NSRP1: variants seen among roughly 807,000 people sequenced by gnomAD.
NSRP1 encodes the protein coiled-coil domain containing 55.
Under a neutral mutation model 54.7 loss-of-function variants are expected in NSRP1, and 24 were observed. The observed-to-expected ratio is 0.44, with a 90% CI of 0.32 to 0.62. The LOEUF (loss-of-function observed/expected upper bound fraction) is 0.62, where lower values mean the gene tolerates loss of function less well. Ranked by LOEUF, NSRP1 falls within the 20% of genes least tolerant of loss-of-function variation. The pLI, the probability that NSRP1 is intolerant of heterozygous loss-of-function variation, is 0.06. For missense variants in NSRP1, 596 were observed against 651.2 expected (o/e 0.92, Z 0.92); for synonymous variants, 210 against 213.8 (o/e 0.98, Z 0.15).
chr17:30,151,462 AAATGTT>A (rs1233171568), intron 2 of NSRP1, among the ~76,000 whole-genome samples: 1 of 152,226 alleles, frequency 6.6e-6, no homozygotes, highest in Non-Finnish European at 1.5e-5. Flanking sequence ...AGAGAAAAGA[AAATGTT>A]ATTAGGAAAA....
At chr17:30,122,051 A>T (rs1239304346) in intron 2 of NSRP1, among the ~76,000 whole-genome samples, 3 of 152,060 alleles carry the variant, frequency 2.0e-5, no homozygotes, top group Admixed American at 1.3e-4. Context: ...TATAAATAGA[A>T]TCATGCAATA....
At chr17:30,150,227 G>A (rs951469980) in intron 2 of NSRP1, 2 of 149,762 alleles carry the variant, frequency 1.3e-5, no homozygotes, top group Non-Finnish European at 3.0e-5. Context: ...ATTACAGGCA[G>A]GCACCACCAT....
chr17:30,126,131 A>G (rs1477594539), intron 2 of NSRP1: 1 of 152,168 alleles, frequency 6.6e-6, no homozygotes, highest in Non-Finnish European at 1.5e-5. Flanking sequence ...TGTCAGATTG[A>G]TCTTCCTAAA....
intron 2 of NSRP1, chr17:30,127,835 AT>A (rs1025864846): frequency 7.6e-6 from 3 of 393,124 alleles, no homozygotes; most frequent in Admixed American, 4.4e-5. Context: ...ATTACTTATT[AT>A]TTTTTTTCAT....
chr17:30,124,134 C>T (rs1309709107), intron 2 of NSRP1, among the ~76,000 whole-genome samples: 1 of 151,376 alleles, frequency 6.6e-6, no homozygotes, highest in East Asian at 1.9e-4. Flanking sequence ...TGTGGTGGCA[C>T]GCACTGGTAA....
chr17:30,171,976 CCTCTCTCTCTCTCT>C (rs58666089), intron 2 of NSRP1, among the ~76,000 whole-genome samples: 30 of 80,438 alleles, frequency 3.7e-4, no homozygotes, highest in Middle Eastern at 8.5e-3. Context: ...ACACACACTC[CCTCTCTCTCTCTCT>C]CTCTCTCTCT....
Position 30,184,797 on chromosome 17 carries a change from G to A in NSRP1, c.800G>A (p.Cys267Tyr), listed in dbSNP as rs1905452433. Reference sequence around the variant, plus strand: ...GAAATAGAAGAAACTAGAGTGAACTGCAGAAGGGAAAAGGTCATAGAGACC... The same window carrying A: ...GAAATAGAAGAAACTAGAGTGAACTACAGAAGGGAAAAGGTCATAGAGACC... ...DDEIEETRVN[C>Y]RREKVIETPE... Residue 267 changes from cysteine to tyrosine, a missense_variant, in exon 7 of 7, where the codon TGC becomes TAC. Physicochemically the swap from Cys to Tyr is radical, Grantham distance 194 (BLOSUM62 -2). Transcript: ENST00000247026. 1 of 1,613,976 alleles carries A rather than the reference G, an allele frequency of 6.2e-7. No individual in the cohort carries two copies. Among genetic ancestry groups the A allele is most frequent in the Non-Finnish European group, 8.5e-7 (1 of 1,179,952 alleles).
chr17:30,146,675 C>T (rs2071858739), intron 2 of NSRP1, among the ~76,000 whole-genome samples: 1 of 152,150 alleles, frequency 6.6e-6, no homozygotes, highest in Admixed American at 6.5e-5. Flanking sequence ...TTGCTCTGTC[C>T]CCCAGGCTGG....
At chr17:30,129,635 A>G (rs1218191961) in intron 2 of NSRP1, among the ~76,000 whole-genome samples, 2 of 152,298 alleles carry the variant, frequency 1.3e-5, no homozygotes, top group South Asian at 2.1e-4. Context: ...TTGGCTTACT[A>G]TTGGTAAGAA....
At chr17:30,125,273 C>A (rs549305934) in intron 2 of NSRP1, among the ~76,000 whole-genome samples, 3 of 152,186 alleles carry the variant, frequency 2.0e-5, no homozygotes, top group Non-Finnish European at 4.4e-5. Context: ...ACAATTTAAG[C>A]AACAATTAAA....
At chr17:30,143,075 A>G (rs2071820817) in intron 2 of NSRP1, among the ~76,000 whole-genome samples, 1 of 152,214 alleles carries the variant, frequency 6.6e-6, no homozygotes, top group Admixed American at 6.5e-5. Flanking sequence ...CTCCAAAATC[A>G]TACACATCTG....
chr17:30,175,492 G>A (rs1039944029), intron 3 of NSRP1, among the ~76,000 whole-genome samples: 16 of 151,732 alleles, frequency 1.1e-4, no homozygotes, highest in African/African-American at 3.6e-4. Context: ...GGAGTGCAGC[G>A]GCACGATCTC....
intron 2 of NSRP1, among the ~76,000 whole-genome samples, chr17:30,122,951 T>C (rs184815188): frequency 2.0e-5 from 3 of 152,122 alleles, no homozygotes; most frequent in Admixed American, 6.6e-5. Flanking sequence ...TACCTTTTTT[T>C]AAAAAAAATT....
Position 30,186,158 on chromosome 17 carries a change from G to C in NSRP1, c.*484G>C, listed in dbSNP as rs1128156. On this transcript the variant is annotated 3_prime_UTR_variant, in exon 7 of 7. Coordinates refer to ENST00000247026, the MANE Select transcript of NSRP1 (RefSeq NM_032141.4). ...TCCATGCCTGTAGTCCCAGCTGTTC[G>C]AGAGGCTGAGGCAAGAAGATCACTT... 6.6e-6 allele frequency: 1 copy of C among 152,040 alleles called. No individual in the cohort carries two copies. The highest frequency in any genetic ancestry group is 1.5e-5 in the Non-Finnish European group (1 of 68,048). The allele number at this position is 152,040 out of a possible 1,614,324, so 9.4% of individuals were successfully genotyped here. A position where few individuals can be genotyped will look rare whatever the true frequency, so the allele number is the denominator to read the frequency against.
chr17:30,119,655 A>G (rs1397562263), intron 2 of NSRP1, among the ~76,000 whole-genome samples: 2 of 151,962 alleles, frequency 1.3e-5, no homozygotes, highest in Non-Finnish European at 2.9e-5. Flanking sequence ...GGAACACACC[A>G]CCACGCCTGG....
intron 5 of NSRP1, among the ~76,000 whole-genome samples, chr17:30,180,428 T>G (rs1048421463): frequency 2.0e-5 from 3 of 152,194 alleles, no homozygotes; most frequent in Non-Finnish European, 4.4e-5. Context: ...AGTTGTAGGA[T>G]TACAGGCGTG....
rs1905513898 is a variant in NSRP1 at position 30,185,750 on chromosome 17, G to A, written c.*76G>A. On this transcript the variant is annotated 3_prime_UTR_variant, in exon 7 of 7. Coordinates refer to ENST00000247026, the MANE Select transcript of NSRP1 (RefSeq NM_032141.4). The stretch of plus-strand genomic sequence containing the variant: ...GGAACCTGCTGCGTAAAACCATAAA[G>A]GAGTGTGTTACCAGTAGTTTGGAGG... 7.0e-7 allele frequency: 1 copy of A among 1,438,718 alleles called. No individual in the cohort carries two copies. The highest frequency in any genetic ancestry group is 2.5e-5 in the Admixed American group (1 of 40,348). The allele number at this position is 1,438,718 out of a possible 1,614,324, so 89.1% of individuals were successfully genotyped here. A position where few individuals can be genotyped will look rare whatever the true frequency, so the allele number is the denominator to read the frequency against.
intron 2 of NSRP1, among the ~76,000 whole-genome samples, chr17:30,133,162 A>T (rs1450358838): frequency 5.0e-5 from 7 of 139,268 alleles, no homozygotes; most frequent in African/African-American, 1.6e-4. Context: ...CATGTTGCCC[A>T]GTATGGTCTC....
intron 2 of NSRP1, among the ~76,000 whole-genome samples, chr17:30,133,324 G>A (rs1171339409): frequency 6.6e-6 from 1 of 152,120 alleles, no homozygotes; most frequent in Non-Finnish European, 1.5e-5. Context: ...AGAATGGATA[G>A]TGTGTTGATA....
Sources: gnomAD v4.1 joint callset for allele counts (sites outside exome capture counted in the v4.1 genomes callset) on GRCh38, gnomAD v4.1.1 for gene constraint, MANE v1.5 for transcripts, NCBI Gene and HGNC (gene_info 2026-07-23, HGNC 2026-07-21) for gene names.